The following LATS1 variants were observed in gnomAD, a reference collection of about 807,000 sequenced individuals.
LATS1 encodes the protein large tumor suppressor kinase 1.
Under a neutral mutation model 106.6 loss-of-function variants are expected in LATS1, and 25 were observed. The ratio of observed to expected loss-of-function variants is 0.23; its 90% confidence interval spans 0.17 to 0.33. The LOEUF is 0.33. LATS1 is among the 10% of genes least tolerant of loss of function. The probability of loss-of-function intolerance (pLI) is 1.00; values close to 1 mark genes in which losing one functional copy is unlikely to be tolerated. For missense variants in LATS1, 1,040 were observed against 1,382.6 expected, an observed-to-expected ratio of 0.75 and a Z score of 3.93; for synonymous variants, 465 against 455.6, an observed-to-expected ratio of 1.02 and a Z score of -0.26.
intron 7 of LATS1, among the ~76,000 whole-genome samples, chr6:149,672,345 A>G (rs543667529): frequency 2.7e-5 from 4 of 150,724 alleles, no homozygotes; most frequent in African/African-American, 9.8e-5. Context: ...GAGTAGCTGG[A>G]GTTTATAGGT....
chr6:149,664,388 C>T (rs1781037395), intron 7 of LATS1, among the ~76,000 whole-genome samples: 1 of 152,022 alleles, frequency 6.6e-6, no homozygotes, highest in African/African-American at 2.4e-5. Context: ...AGAATTTCCC[C>T]AAATCGATGA....
chr6:149,714,625 C>T (rs981562367), intron 1 of LATS1, among the ~76,000 whole-genome samples: 33 of 151,840 alleles, frequency 2.2e-4, no homozygotes, highest in Admixed American at 2.2e-3. Flanking sequence ...GAAAAAAAAA[C>T]TAAGTAAGCA....
At position 149,680,269 on chromosome 6, in the gene LATS1, T is replaced by G; in HGVS notation, c.2199A>C (p.Thr733=). The change falls in exon 5 of 8, where the codon ACA becomes ACC. Residue 733 remains threonine (T), a synonymous_variant. Coordinates refer to ENST00000543571, the MANE Select transcript of LATS1 (RefSeq NM_004690.4). The part of the protein sequence containing the change: ...RKVDTKALYA[T]KTLRKKDVLL... ...GAACATCTTTCTTTCGAAGAGTTTT[T>G]GTTGCATACAAAGCCTTAGTATCTA... is the stretch of plus-strand genomic sequence containing the variant. 1 of 1,613,984 alleles carries G rather than the reference T, an allele frequency of 6.2e-7. No homozygotes were observed. The highest frequency in any genetic ancestry group is 2.2e-5 in the East Asian group (1 of 44,878).
intron 7 of LATS1, among the ~76,000 whole-genome samples, chr6:149,674,639 G>A (rs62439840): frequency 0.34 from 51,405 of 150,026 alleles, 10,448 homozygotes; most frequent in East Asian, 0.81. Context: ...CTTGCAAAGT[G>A]TTGGGATTAC....
intron 1 of LATS1, among the ~76,000 whole-genome samples, chr6:149,711,111 T>C (rs11155674): frequency 0.45 from 68,293 of 151,842 alleles, 16,457 homozygotes; most frequent in East Asian, 0.81. Flanking sequence ...GGAGGAGGAA[T>C]AGACGCTCTT....
chr6:149,716,430 C>G (rs1198332666), intron 1 of LATS1: 1 of 152,180 alleles, frequency 6.6e-6, no homozygotes, highest in Non-Finnish European at 1.5e-5. Context: ...ATTGCTGTTC[C>G]TACTTAGCGA....
chr6:149,660,976 CT>C lies in LATS1; in HGVS notation c.*752del. Reference sequence around the variant, plus strand: ...TTTCGATTTATGGCAGCTTTGTTCCCTTTTAAAATTGGAAGCAGCATCAAAA... The same window carrying C: ...TTTCGATTTATGGCAGCTTTGTTCCCTTTAAAATTGGAAGCAGCATCAAAA... On this transcript the variant is annotated 3_prime_UTR_variant, in exon 8 of 8. Transcript: ENST00000543571. 4.7e-6 allele frequency: 1 copy of C among 213,326 alleles called. No homozygotes were observed. The highest frequency in any genetic ancestry group is 9.5e-6 in the Non-Finnish European group (1 of 105,540). The allele number at this position is 213,326 out of a possible 1,614,324, so 13.2% of individuals were successfully genotyped here. A position where few individuals can be genotyped will look rare whatever the true frequency, so the allele number is the denominator to read the frequency against.
chr6:149,707,011 C>CTTT lies in LATS1; in HGVS notation c.-140-4748_-140-4746dup, dbSNP rs745424840. On this transcript the variant is annotated intron_variant, in intron 1 of 7. Coordinates refer to ENST00000543571, the MANE Select transcript of LATS1 (RefSeq NM_004690.4). Reference sequence around the variant, plus strand: ...TCATAATACACAAAACTGGACATCTCTTTTTTTTTTTTTTTTTTTTTGAAG... The same window carrying CTTT: ...TCATAATACACAAAACTGGACATCTCTTTTTTTTTTTTTTTTTTTTTTTTGAAG... Among the ~76,000 whole-genome samples, 377 of 110,350 alleles carry CTTT rather than the reference C, an allele frequency of 3.4e-3. 3 individuals are homozygous for CTTT. The highest frequency in any genetic ancestry group is 0.01 in the East Asian group (38 of 3,798). 72.4% of individuals were successfully genotyped at this position (110,350 alleles called of 152,430 possible).
At position 149,679,870 on chromosome 6, in the gene LATS1, C is replaced by G. The variant is rs761637789; in HGVS notation, c.2593+5G>C. On this transcript the variant is annotated splice_donor_5th_base_variant and intron_variant, in intron 5 of 7. Coordinates refer to ENST00000543571, the MANE Select transcript of LATS1 (RefSeq NM_004690.4). ...AACTAAAATAAATTTTATGAGTTTACTTACCACTCTGATAGTACTTAGAAT... is the reference window on the plus strand; with the variant it reads ...AACTAAAATAAATTTTATGAGTTTAGTTACCACTCTGATAGTACTTAGAAT... 7.8e-6 allele frequency: 12 copies of G among 1,547,104 alleles called. No homozygotes were observed. The highest frequency in any genetic ancestry group is 5.2e-6 in the Non-Finnish European group (6 of 1,146,290).
chr6:149,696,126 C>T (rs1783048844), intron 2 of LATS1, among the ~76,000 whole-genome samples: 1 of 151,558 alleles, frequency 6.6e-6, no homozygotes, highest in African/African-American at 2.4e-5. Flanking sequence ...AGGCTGGTCT[C>T]AAACTCCTGA....
intron 3 of LATS1, among the ~76,000 whole-genome samples, chr6:149,685,284 T>C (rs1486800197): frequency 6.6e-6 from 1 of 152,088 alleles, no homozygotes; most frequent in Non-Finnish European, 1.5e-5. Flanking sequence ...TTCATATATA[T>C]GCATGTATAT....
At position 149,680,224 on chromosome 6, in the gene LATS1, A is replaced by G. The variant is rs771394620; in HGVS notation, c.2244T>C (p.Ala748=). 2 of 1,614,070 alleles carry G rather than the reference A, an allele frequency of 1.2e-6. No individual in the cohort carries two copies. The highest frequency in any genetic ancestry group is 3.3e-5 in the Admixed American group (2 of 60,026). Residue 748 remains alanine, a synonymous_variant, in exon 5 of 8, where the codon GCT becomes GCC. Coordinates refer to ENST00000543571, the MANE Select transcript of LATS1 (RefSeq NM_004690.4). ...GGATATCTCTCTCAGCCTTAACATG[A>G]GCGACTTGATTTCGAAGAAGAACAT... is the stretch of plus-strand genomic sequence containing the variant. ...KKDVLLRNQV[A]HVKAERDILA...
At chr6:149,682,105 C>T (rs567051239) in intron 4 of LATS1, among the ~76,000 whole-genome samples, 4 of 124,922 alleles carry the variant, frequency 3.2e-5, no homozygotes, top group African/African-American at 8.9e-5. Context: ...AGTGAGATGT[C>T]GTCTCAAAAA....
At chr6:149,676,432 A>C in intron 6 of LATS1, 66 bp from the exon 7 acceptor site, 2 of 1,374,254 alleles carry the variant, frequency 1.5e-6, no homozygotes, top group South Asian at 1.3e-5. Flanking sequence ...ATTAACATTA[A>C]ATCACCAATT....
chr6:149,680,655 C>A (rs1781985697), intron 4 of LATS1, among the ~76,000 whole-genome samples, 198 bp from the exon 5 acceptor site: 1 of 146,056 alleles, frequency 6.8e-6, no homozygotes, highest in African/African-American at 2.6e-5. Context: ...AAAGGATATT[C>A]AAAGTGAGTA....
Position 149,662,317 on chromosome 6 carries a change from C to G in LATS1, c.2884-79G>C. On this transcript the variant is annotated intron_variant, in intron 7 of 7. Transcript: ENST00000543571. ...TTCCTTCAAGTTTTATACCAAAAGT[C>G]TCACTGGGCTATTTTTGTATTTTAA... is the stretch of plus-strand genomic sequence containing the variant. The G allele has an allele frequency of 2.6e-6, 3 of 1,158,142 alleles. No homozygotes were observed. The African/African-American group carries it at 4.7e-5, about 18-fold the overall frequency. The allele number at this position is 1,158,142 out of a possible 1,614,324, so 71.7% of individuals were successfully genotyped here.
Position 149,683,286 on chromosome 6 carries a change from A to G in LATS1, c.1803T>C (p.Asp601=), listed in dbSNP as rs756958414. Residue 601 remains aspartate, a synonymous_variant, in exon 4 of 8, where the codon GAT becomes GAC. Transcript: ENST00000543571. The part of the protein sequence containing the change: ...DESEKSYENV[D]SGDKEKKQIT... Reference sequence around the variant, plus strand: ...TCTGTTTCTTTTCTTTATCCCCACTATCAACATTTTCATAACTCTTTTCAC... The same window carrying G: ...TCTGTTTCTTTTCTTTATCCCCACTGTCAACATTTTCATAACTCTTTTCAC... 3 of 1,613,996 alleles carry G rather than the reference A, an allele frequency of 1.9e-6. No homozygotes were observed. Among genetic ancestry groups the G allele is most frequent in the South Asian group, 1.1e-5 (1 of 91,078 alleles).
At chr6:149,667,856 C>A (rs912095841) in intron 7 of LATS1, among the ~76,000 whole-genome samples, 1 of 152,112 alleles carries the variant, frequency 6.6e-6, no homozygotes, top group Non-Finnish European at 1.5e-5. Context: ...AAATTATGAA[C>A]GACAGAAGGA....
chr6:149,705,326 G>A (rs938722767), intron 1 of LATS1, among the ~76,000 whole-genome samples: 3 of 152,106 alleles, frequency 2.0e-5, no homozygotes, highest in African/African-American at 7.2e-5. Flanking sequence ...CCAGTCTAAA[G>A]TTTGCAGAAT....
Sources: gnomAD v4.1 joint callset for allele counts (sites outside exome capture counted in the v4.1 genomes callset) on GRCh38, gnomAD v4.1.1 for gene constraint, MANE v1.5 for transcripts, NCBI Gene and HGNC (gene_info 2026-07-23, HGNC 2026-07-21) for gene names.